The following RCSD1 variants were observed in gnomAD, a reference collection of about 807,000 sequenced individuals.
RCSD1 encodes the protein capZ-interacting protein.
RCSD1 carries 26 observed loss-of-function variants against 42.5 expected under a neutral mutation model. That is an observed-to-expected ratio of 0.61 (90% CI 0.45 to 0.85). The LOEUF is 0.85. RCSD1 is among the 40% of genes least tolerant of loss of function. The pLI, the probability that RCSD1 is intolerant of heterozygous loss-of-function variation, is 0.00. For missense variants in RCSD1, 571 were observed against 528.3 expected (o/e 1.08, Z -0.79); for synonymous variants, 220 against 212.2 (o/e 1.04, Z -0.32).
intron 1 of RCSD1, among the ~76,000 whole-genome samples, chr1:167,659,147 C>T (rs948897658): frequency 1.3e-5 from 2 of 152,182 alleles, no homozygotes; most frequent in African/African-American, 4.8e-5. Flanking sequence ...ACTTGCATTT[C>T]CCTGACAAGT....
chr1:167,689,771 A>G (rs1273693286), intron 3 of RCSD1, among the ~76,000 whole-genome samples: 1 of 152,194 alleles, frequency 6.6e-6, no homozygotes, highest in East Asian at 1.9e-4. Flanking sequence ...CTTCATAACA[A>G]CAATGAAGTC....
intron 1 of RCSD1, among the ~76,000 whole-genome samples, chr1:167,639,164 C>T (rs536961081): frequency 3.3e-5 from 5 of 152,246 alleles, no homozygotes; most frequent in Non-Finnish European, 5.9e-5. Context: ...TTGCAGTGAG[C>T]AGAGATCACG....
chr1:167,664,205 C>G (rs1335062755), intron 1 of RCSD1: 6 of 152,284 alleles, frequency 3.9e-5, no homozygotes, highest in Admixed American at 2.6e-4. Context: ...TTGCCAAGCT[C>G]CAAATTCTGT....
chr1:167,632,135 C>T (rs1657717067), intron 1 of RCSD1, among the ~76,000 whole-genome samples: 1 of 152,204 alleles, frequency 6.6e-6, no homozygotes, highest in South Asian at 2.1e-4. Flanking sequence ...TCTGAGCTGG[C>T]CACTGCTTCA....
At chr1:167,638,914 CAA>C (rs1349751138) in intron 1 of RCSD1, among the ~76,000 whole-genome samples, 1 of 152,112 alleles carries the variant, frequency 6.6e-6, no homozygotes, top group African/African-American at 2.4e-5. Flanking sequence ...GTAGCCAAGT[CAA>C]GAGTTAAAAC....
rs1030241375 is a variant in RCSD1 at position 167,706,640 on chromosome 1, C to A, written c.*1944C>A. On this transcript the variant is annotated 3_prime_UTR_variant, in exon 7 of 7. Transcript: ENST00000367854. Reference sequence around the variant, plus strand: ...CACCATGCTTGTGGGCATCAGAATACCTTTCTATCCCCCAAGTCTCCTGTT... The same window carrying A: ...CACCATGCTTGTGGGCATCAGAATAACTTTCTATCCCCCAAGTCTCCTGTT... Among the ~76,000 whole-genome samples, 14 of 152,064 alleles carry A rather than the reference C, an allele frequency of 9.2e-5. No individual in the cohort carries two copies. The highest frequency in any genetic ancestry group is 3.4e-4 in the African/African-American group (14 of 41,396).
At position 167,698,809 on chromosome 1, in the gene RCSD1, T is replaced by G. The variant is rs568779647; in HGVS notation, c.1218+967T>G. Reference sequence around the variant, plus strand: ...GTTTGTTTTTTGTTTTTGTTTTTGTTTTTGTTTTGAGAAGGAGTCTCGCTG... The same window carrying G: ...GTTTGTTTTTTGTTTTTGTTTTTGTGTTTGTTTTGAGAAGGAGTCTCGCTG... On this transcript the variant is annotated intron_variant, in intron 6 of 6. Coordinates refer to ENST00000367854, the MANE Select transcript of RCSD1 (RefSeq NM_052862.4). Among the ~76,000 whole-genome samples the G allele has an allele frequency of 8.5e-3, 1,297 of 152,068 alleles. 21 individuals carry two copies. Among genetic ancestry groups the G allele is most frequent in the African/African-American group, 0.027 (1,136 of 41,434 alleles).
chr1:167,703,430 G>A (rs1659689125), intron 6 of RCSD1, among the ~76,000 whole-genome samples: 1 of 152,156 alleles, frequency 6.6e-6, no homozygotes, highest in South Asian at 2.1e-4. Context: ...GAGGCATGAG[G>A]ATCGCTGGAG....
chr1:167,694,357 A>G, intron 5 of RCSD1, 55 bp downstream of exon 5: 1 of 1,515,736 alleles, frequency 6.6e-7, no homozygotes, highest in Non-Finnish European at 9.0e-7. Context: ...GGGCACTGGC[A>G]CCCCTGAATT....
At chr1:167,701,192 C>T (rs563798894) in intron 6 of RCSD1, among the ~76,000 whole-genome samples, 373 of 152,322 alleles carry the variant, frequency 2.4e-3, no homozygotes, top group Middle Eastern at 3.4e-3. Context: ...GAGAGGAATG[C>T]TTTTCCTCTC....
intron 1 of RCSD1, among the ~76,000 whole-genome samples, chr1:167,645,588 C>G (rs1199620458): frequency 1.3e-5 from 2 of 152,018 alleles, no homozygotes; most frequent in Non-Finnish European, 2.9e-5. Context: ...GAGTGGCCAC[C>G]AAAAACTAGG....
At chr1:167,665,431 A>G (rs955850397) in intron 1 of RCSD1, among the ~76,000 whole-genome samples, 1 of 152,244 alleles carries the variant, frequency 6.6e-6, no homozygotes, top group Non-Finnish European at 1.5e-5. Flanking sequence ...GAAGATTTGT[A>G]TACAAGTATT....
At chr1:167,686,808 T>C (rs988038714) in intron 3 of RCSD1, among the ~76,000 whole-genome samples, 2 of 152,226 alleles carry the variant, frequency 1.3e-5, no homozygotes, top group Non-Finnish European at 2.9e-5. Context: ...TCCACTGCTA[T>C]GCAATGGGTT....
chr1:167,637,482 G>A (rs1022394446), intron 1 of RCSD1, among the ~76,000 whole-genome samples: 1 of 152,188 alleles, frequency 6.6e-6, no homozygotes, highest in African/African-American at 2.4e-5. Context: ...CTAGCTTCCT[G>A]TGCTGGGGAT....
In RCSD1 at chr1:167,707,776, C is replaced by T. The variant is rs111594576; in HGVS notation, c.*3080C>T. ...CTGCCTCCTGCATTCAAGCGATTCT[C>T]GTGCCTCAGCCTCCCAAGTACTGCA... On this transcript the variant is annotated 3_prime_UTR_variant, in exon 7 of 7. Transcript: ENST00000367854. Among the ~76,000 whole-genome samples the T allele has an allele frequency of 0.01, 1,556 of 152,230 alleles. 27 individuals carry two copies. Among genetic ancestry groups the T allele is most frequent in the African/African-American group, 0.035 (1,465 of 41,526 alleles).
intron 1 of RCSD1, among the ~76,000 whole-genome samples, chr1:167,658,949 G>A (rs577180411): frequency 6.6e-5 from 10 of 151,908 alleles, no homozygotes; most frequent in Non-Finnish European, 1.3e-4. Context: ...TAATTTAATC[G>A]ATGTTGCCAG....
chr1:167,671,477 T>C (rs1370348676), intron 1 of RCSD1, among the ~76,000 whole-genome samples: 2 of 152,214 alleles, frequency 1.3e-5, no homozygotes, highest in Non-Finnish European at 2.9e-5. Context: ...TCCTTACTCC[T>C]GCTCTCCTCC....
At chr1:167,696,194 C>T (rs755439337) in intron 5 of RCSD1, among the ~76,000 whole-genome samples, 3 of 152,006 alleles carry the variant, frequency 2.0e-5, no homozygotes, top group Non-Finnish European at 4.4e-5. Flanking sequence ...ACCCTCTTCT[C>T]GGTGCGATTC....
At chr1:167,703,238 A>C (rs1659684681) in intron 6 of RCSD1, among the ~76,000 whole-genome samples, 1 of 151,994 alleles carries the variant, frequency 6.6e-6, no homozygotes, top group Admixed American at 6.6e-5. Context: ...TCCCTCAGAC[A>C]CATTAACTGT....
Sources: gnomAD v4.1 joint callset for allele counts (sites outside exome capture counted in the v4.1 genomes callset) on GRCh38, gnomAD v4.1.1 for gene constraint, MANE v1.5 for transcripts, NCBI Gene and HGNC (gene_info 2026-07-23, HGNC 2026-07-21) for gene names.